The following ATP11A variants were observed in gnomAD, a reference collection of about 807,000 sequenced individuals.
ATP11A encodes the protein ATPase phospholipid transporting 11A.
A neutral mutation model predicts 154.4 loss-of-function variants in ATP11A; 81 were observed. The ratio of observed to expected loss-of-function variants is 0.52; its 90% CI spans 0.44 to 0.63. The LOEUF (loss-of-function observed/expected upper bound fraction) is 0.63, where lower values mean the gene tolerates loss of function less well. Among genes scored for constraint, ATP11A ranks in the 30% least tolerant of loss-of-function variants. The pLI, the probability that ATP11A is intolerant of heterozygous loss-of-function variation, is 0.00. For synonymous variants in ATP11A, 623 were observed against 585.9 expected (o/e 1.06, Z -0.91); for missense variants, 1,316 against 1,474.3 (o/e 0.89, Z 1.76).
chr13:112,728,775 G>C (rs1038259848), intron 1 of ATP11A, among the ~76,000 whole-genome samples: 3 of 152,080 alleles, frequency 2.0e-5, no homozygotes, highest in African/African-American at 4.8e-5. Context: ...GCTTACCTCT[G>C]CTGTTCCTCT....
Position 112,882,605 on chromosome 13 carries a change from T to C in ATP11A, c.*739T>C. 1 of 401,896 alleles carries C rather than the reference T, an allele frequency of 2.5e-6. No individual in the cohort carries two copies. Among genetic ancestry groups the C allele is most frequent in the Middle Eastern group, 6.2e-4 (1 of 1,606 alleles). 24.9% of individuals were successfully genotyped at this position (401,896 alleles called of 1,614,324 possible). On this transcript the variant is annotated 3_prime_UTR_variant, in exon 30 of 30. Coordinates refer to ENST00000375645, the MANE Select transcript of ATP11A (RefSeq NM_015205.3). The surrounding 1 kb of genome is among the most constrained non-coding windows in gnomAD (Gnocchi z 5.1). ...GTCCAAGCCCGCCTGCCCTGTGTGT[T>C]GGGGCTGGCTGAGTTTCGGTCTCCC...
chr13:112,800,572 GAA>G (rs553388141), intron 2 of ATP11A, among the ~76,000 whole-genome samples: 1 of 139,082 alleles, frequency 7.2e-6, no homozygotes. Flanking sequence ...AACATTTAAG[GAA>G]AAAAAAAAAA....
chr13:112,843,671 G>A (rs2079492394), intron 17 of ATP11A, among the ~76,000 whole-genome samples: 1 of 152,136 alleles, frequency 6.6e-6, no homozygotes, highest in South Asian at 2.1e-4. Context: ...GTAAAGCAAT[G>A]TTTGTCCTCG....
intron 4 of ATP11A, among the ~76,000 whole-genome samples, chr13:112,809,528 G>A (rs2078427998): frequency 6.6e-6 from 1 of 152,132 alleles, no homozygotes; most frequent in Non-Finnish European, 1.5e-5. Context: ...GCTTCCTGCC[G>A]CCATCCTGTG....
chr13:112,738,579 G>A (rs1200131693), intron 1 of ATP11A, among the ~76,000 whole-genome samples: 2 of 152,138 alleles, frequency 1.3e-5, no homozygotes, highest in African/African-American at 2.4e-5. Flanking sequence ...TTCATGCAGC[G>A]CAGAGCTCCT....
intron 2 of ATP11A, among the ~76,000 whole-genome samples, chr13:112,796,595 C>T (rs946715931): frequency 2.0e-5 from 3 of 152,192 alleles, no homozygotes; most frequent in African/African-American, 7.2e-5. Flanking sequence ...TTAATTTTAA[C>T]CCAGTGAATC....
Position 112,834,660 on chromosome 13 carries a change from G to GGTAT in ATP11A, c.1631+3_1631+6dup. On this transcript the variant is annotated frameshift_variant and splice_region_variant. Coordinates refer to ENST00000375645, the MANE Select transcript of ATP11A (RefSeq NM_015205.3). LOFTEE classifies it high-confidence loss of function. ...TTAAACAGGGAGAACCACATCGAAA[G>GGTAT]GTATGTGCAGACCTCACCCTCAGAT... 1 of 1,610,864 alleles carries GGTAT rather than the reference G, an allele frequency of 6.2e-7. No homozygotes were observed. Among genetic ancestry groups the GGTAT allele is most frequent in the Admixed American group, 1.7e-5 (1 of 60,016 alleles).
intron 1 of ATP11A, among the ~76,000 whole-genome samples, chr13:112,775,677 C>T (rs140709527): frequency 6.6e-6 from 1 of 152,000 alleles, no homozygotes; most frequent in African/African-American, 2.4e-5. Context: ...TATTTCCTTA[C>T]TCCAGTTTTC....
intron 26 of ATP11A, among the ~76,000 whole-genome samples, chr13:112,872,500 AC>A (rs1381176118): frequency 1.3e-5 from 2 of 152,216 alleles, no homozygotes; most frequent in Non-Finnish European, 2.9e-5. Flanking sequence ...AATCCCAGCT[AC>A]TTGGGAGGCT....
intron 3 of ATP11A, 54 bp downstream of exon 3, chr13:112,805,100 A>G: frequency 2.2e-6 from 3 of 1,350,654 alleles, no homozygotes; most frequent in South Asian, 1.3e-5. Flanking sequence ...AATAAGTGAC[A>G]TTTTATTCTC....
chr13:112,825,473 A>C lies in ATP11A; in HGVS notation c.916A>C (p.Ser306Arg). 1 of 1,613,942 alleles carries C rather than the reference A, an allele frequency of 6.2e-7. No individual in the cohort carries two copies. The highest frequency in any genetic ancestry group is 8.5e-7 in the Non-Finnish European group (1 of 1,179,904). The part of the protein sequence containing the change: ...FLIVYLCILI[S>R]KALINTVLKY... ...CATTGTGTATCTCTGCATTCTGATC[A>C]GCAAAGCCCTGATAAACACTGTGCT... Residue 306 changes from serine (S) to arginine (R), a missense_variant, in exon 11 of 30, where the codon AGC becomes CGC. By Grantham distance (110) the Ser-to-Arg change is moderately radical. This residue lies in a region of ATP11A where 876 missense variants were observed against 1,006.8 expected (regional missense o/e 0.87). Coordinates refer to ENST00000375645, the MANE Select transcript of ATP11A (RefSeq NM_015205.3).
At chr13:112,860,636 C>T (rs1373201180) in intron 24 of ATP11A, 7 of 513,862 alleles carry the variant, frequency 1.4e-5, no homozygotes, top group East Asian at 3.3e-5. Context: ...GCATTTGGAA[C>T]ATCTGTGTGG....
At chr13:112,817,474 G>A (rs890232301) in intron 6 of ATP11A, among the ~76,000 whole-genome samples, 2 of 152,192 alleles carry the variant, frequency 1.3e-5, no homozygotes, top group Non-Finnish European at 2.9e-5. Flanking sequence ...GTTTCTAGGG[G>A]GTCGGAATCC....
intron 4 of ATP11A, 55 bp from the exon 5 acceptor site, chr13:112,810,564 T>G: frequency 2.1e-6 from 3 of 1,436,292 alleles, no homozygotes; most frequent in Non-Finnish European, 2.9e-6. Flanking sequence ...CCTCCCTTTC[T>G]CCTCCTTCCC....
At chr13:112,813,677 CT>C (rs1310745340) in intron 5 of ATP11A, among the ~76,000 whole-genome samples, 3 of 152,120 alleles carry the variant, frequency 2.0e-5, no homozygotes, top group Non-Finnish European at 4.4e-5. Flanking sequence ...TTGAAAGGAA[CT>C]GCCAAATGGT....
chr13:112,693,215 G>A (rs962019583), intron 1 of ATP11A, among the ~76,000 whole-genome samples: 4 of 152,280 alleles, frequency 2.6e-5, no homozygotes, highest in Non-Finnish European at 4.4e-5. Context: ...TGGATGGACC[G>A]GAGCCATGCA....
intron 1 of ATP11A, among the ~76,000 whole-genome samples, chr13:112,727,980 T>C (rs1289595152): frequency 2.0e-5 from 3 of 152,218 alleles, no homozygotes; most frequent in Non-Finnish European, 1.5e-5. Flanking sequence ...AAGGGCCGTG[T>C]CTGGTGAGCA....
chr13:112,853,426 G>T (rs974955973), intron 18 of ATP11A, among the ~76,000 whole-genome samples: 4 of 152,106 alleles, frequency 2.6e-5, no homozygotes, highest in African/African-American at 9.7e-5. Context: ...GATCCTTCCA[G>T]TTAGAATTTA....
intron 28 of ATP11A, among the ~76,000 whole-genome samples, chr13:112,877,444 G>A (rs956235022): frequency 1.6e-4 from 24 of 152,238 alleles, no homozygotes; most frequent in African/African-American, 4.8e-4. Context: ...CATGGGACAC[G>A]TGTTCATAAC....
Sources: gnomAD v4.1 joint callset for allele counts (sites outside exome capture counted in the v4.1 genomes callset) on GRCh38, gnomAD v4.1.1 for gene constraint, gnomAD v4.1.1 regional missense constraint, Gnocchi (gnomAD v3.1) non-coding constraint, MANE v1.5 for transcripts, NCBI Gene and HGNC (gene_info 2026-07-23, HGNC 2026-07-21) for gene names.